PCBP3: variants seen among roughly 807,000 people sequenced by gnomAD.
PCBP3 encodes poly(rC)-binding protein 3.
A neutral mutation model predicts 52.7 loss-of-function variants in PCBP3; 25 were observed. The observed-to-expected ratio is 0.47, with a 90% CI of 0.35 to 0.66. PCBP3 has a LOEUF of 0.66. Ranked by LOEUF, PCBP3 falls within the 30% of genes least tolerant of loss-of-function variation. The pLI is 0.01. For synonymous variants in PCBP3, 162 were observed against 183.0 expected (o/e 0.89, Z 0.93); for missense variants, 391 against 490.3 (o/e 0.80, Z 1.91).
At position 45,675,694 on chromosome 21, in the gene PCBP3, C is replaced by T. The variant is rs965259723; in HGVS notation, c.-200+6742C>T. 8.5e-5 allele frequency among the ~76,000 whole-genome samples: 13 copies of T among 152,170 alleles called. No individual in the cohort carries two copies. The East Asian group carries it at 1.7e-3, about 20-fold the overall frequency. On this transcript the variant is annotated intron_variant, in intron 2 of 17. Transcript: ENST00000681687. ...AAATCTCCTGTGATTTGTGGAGTCT[C>T]GGGCTCCCTGGAAACCTTTCAGGGG... is the stretch of plus-strand genomic sequence containing the variant.
At chr21:45,925,313 CAAA>C (rs1335604949) in intron 13 of PCBP3, among the ~76,000 whole-genome samples, 1 of 152,142 alleles carries the variant, frequency 6.6e-6, no homozygotes. Flanking sequence ...CCACTAACAA[CAAA>C]GAAGTCCGAT....
chr21:45,764,587 G>T (rs893505404), intron 4 of PCBP3, among the ~76,000 whole-genome samples: 1 of 152,222 alleles, frequency 6.6e-6, no homozygotes, highest in Non-Finnish European at 1.5e-5. Context: ...AACTTCAGCT[G>T]CAGGCTGAAG....
intron 2 of PCBP3, among the ~76,000 whole-genome samples, chr21:45,706,743 T>G (rs992571766): frequency 6.6e-6 from 1 of 152,240 alleles, no homozygotes; most frequent in Admixed American, 6.5e-5. Flanking sequence ...ATCCACCATG[T>G]GCACTTAGGG....
chr21:45,799,280 A>G (rs1177103006), intron 4 of PCBP3, among the ~76,000 whole-genome samples: 1 of 152,232 alleles, frequency 6.6e-6, no homozygotes, highest in African/African-American at 2.4e-5. Context: ...TATCACAATA[A>G]CAAGTTGTCC....
At chr21:45,679,581 T>A (rs987046393) in intron 2 of PCBP3, among the ~76,000 whole-genome samples, 2 of 152,244 alleles carry the variant, frequency 1.3e-5, no homozygotes, top group Non-Finnish European at 1.5e-5. Flanking sequence ...TTTATTATGG[T>A]ACCTGAAAAA....
intron 11 of PCBP3, among the ~76,000 whole-genome samples, chr21:45,912,835 A>G (rs10854475): frequency 0.8 from 121,974 of 152,140 alleles, 49,653 homozygotes; most frequent in East Asian, 1. Context: ...GGCCCAGCTC[A>G]AGTCAGCCCA....
chr21:45,646,083 T>TCTC (rs1206207801), intron 1 of PCBP3, among the ~76,000 whole-genome samples: 5 of 99,616 alleles, frequency 5.0e-5, no homozygotes, highest in African/African-American at 8.5e-5. Context: ...CTCTCTCTCT[T>TCTC]TCTCTCTCTC....
intron 4 of PCBP3, among the ~76,000 whole-genome samples, chr21:45,819,148 C>G (rs1453081587): frequency 1.3e-5 from 2 of 152,084 alleles, no homozygotes; most frequent in African/African-American, 4.8e-5. Flanking sequence ...CTGCTGTGAA[C>G]TCTGGACCTG....
intron 9 of PCBP3, among the ~76,000 whole-genome samples, chr21:45,908,029 C>CA (rs1569481951): frequency 6.6e-6 from 1 of 152,124 alleles, no homozygotes; most frequent in Non-Finnish European, 1.5e-5. Flanking sequence ...TCATACCAAT[C>CA]AAAAAATGCT....
rs2080973460 is a variant in PCBP3, at chr21:45,668,855, T to C, written c.-278-19T>C. ...TGTTTCCGTATATTGAATTTAATGTTGGCATTATTTTTTTTCAGCACATTG... is the reference window on the plus strand; with the variant it reads ...TGTTTCCGTATATTGAATTTAATGTCGGCATTATTTTTTTTCAGCACATTG... On this transcript the variant is annotated intron_variant, in intron 1 of 17. Transcript: ENST00000681687. The C allele has an allele frequency of 6.6e-6, 1 of 152,232 alleles. No individual in the cohort carries two copies. Among genetic ancestry groups the C allele is most frequent in the African/African-American group, 2.4e-5 (1 of 41,468 alleles). 9.4% of individuals were successfully genotyped at this position (152,232 alleles called of 1,614,324 possible).
intron 10 of PCBP3, among the ~76,000 whole-genome samples, chr21:45,910,294 G>A (rs190613040): frequency 8.1e-5 from 12 of 148,782 alleles, no homozygotes; most frequent in Admixed American, 4.0e-4. Flanking sequence ...CCTATGGGCC[G>A]TGCTGGGGAC....
At position 45,853,107 on chromosome 21, in the gene PCBP3, G is replaced by A. The variant is rs139155013; in HGVS notation, c.10+3012G>A. ...AAAGTGCACATGCCGCTGGCCAGAG[G>A]GGGTGGGCTGGCATGTCTTCTCTGG... On this transcript the variant is annotated intron_variant, in intron 5 of 17. Coordinates refer to ENST00000681687, the MANE Select transcript of PCBP3 (RefSeq NM_001384156.1). The surrounding 1 kb of genome is among the most constrained non-coding windows in gnomAD (Gnocchi z 4.6). 1.3e-5 allele frequency among the ~76,000 whole-genome samples: 2 copies of A among 152,328 alleles called. No individual in the cohort carries two copies. The highest frequency in any genetic ancestry group is 4.8e-5 in the African/African-American group (2 of 41,576).
At chr21:45,738,017 C>T (rs1655748687) in intron 3 of PCBP3, among the ~76,000 whole-genome samples, 1 of 152,138 alleles carries the variant, frequency 6.6e-6, no homozygotes, top group Non-Finnish European at 1.5e-5. Flanking sequence ...GCACAGGTGC[C>T]TTCCCTGGGC....
intron 2 of PCBP3, among the ~76,000 whole-genome samples, chr21:45,685,890 C>T (rs1389280938): frequency 1.4e-5 from 2 of 147,186 alleles, no homozygotes; most frequent in Non-Finnish European, 3.0e-5. Flanking sequence ...CAAAACAAAA[C>T]AAAACAAAAA....
chr21:45,796,883 A>G (rs946276480), intron 4 of PCBP3, among the ~76,000 whole-genome samples: 3 of 152,246 alleles, frequency 2.0e-5, no homozygotes, highest in Admixed American at 6.5e-5. Context: ...ATGATTTATA[A>G]TAGCATTTCT....
intron 13 of PCBP3, chr21:45,918,669 G>A (rs1041795539): frequency 2.0e-5 from 3 of 150,394 alleles, no homozygotes; most frequent in East Asian, 4.0e-4. Context: ...ATAAACCGTC[G>A]GTGTAATTCC....
Position 45,844,419 on chromosome 21 carries a change from G to A in PCBP3, c.-125-5542G>A, listed in dbSNP as rs552902432. ...TGGTCCAGATGTCACCCAGCGCAAG[G>A]TGAGGGAGCCCTGGGGTCACATTCT... On this transcript the variant is annotated intron_variant, in intron 4 of 17. Transcript: ENST00000681687. Among the ~76,000 whole-genome samples, 18 of 152,216 alleles carry A rather than the reference G, an allele frequency of 1.2e-4. No homozygotes were observed. The South Asian group carries it at 3.5e-3, about 30-fold the overall frequency.
At chr21:45,811,359 A>G (rs2092683316) in intron 4 of PCBP3, among the ~76,000 whole-genome samples, 1 of 152,238 alleles carries the variant, frequency 6.6e-6, no homozygotes. Context: ...AGATTCTAGA[A>G]GTGCTCCCGT....
At position 45,827,298 on chromosome 21, in the gene PCBP3, G is replaced by A. The variant is rs1018804877; in HGVS notation, c.-125-22663G>A. Among the ~76,000 whole-genome samples, 1 of 152,234 alleles carries A rather than the reference G, an allele frequency of 6.6e-6. No homozygotes were observed. The highest frequency in any genetic ancestry group is 1.5e-5 in the Non-Finnish European group (1 of 68,054). ...CTGCCCCCGCTGCGATGGTGTCGGA[G>A]GAGGCCGGTGAAAATGAGATAAAAG... On this transcript the variant is annotated intron_variant, in intron 4 of 17. Coordinates refer to ENST00000681687, the MANE Select transcript of PCBP3 (RefSeq NM_001384156.1). The surrounding 1 kb of genome is among the most constrained non-coding windows in gnomAD (Gnocchi z 4.3).
Sources: gnomAD v4.1 joint callset for allele counts (sites outside exome capture counted in the v4.1 genomes callset) on GRCh38, gnomAD v4.1.1 for gene constraint, Gnocchi (gnomAD v3.1) non-coding constraint, MANE v1.5 for transcripts, NCBI Gene and HGNC (gene_info 2026-07-23, HGNC 2026-07-21) for gene names.